Variants in SPATA22 observed in about 807,000 individuals in gnomAD.
The protein encoded by SPATA22 is spermatogenesis associated 22.
Under a neutral mutation model 47.8 loss-of-function variants are expected in SPATA22, and 29 were observed. That is an observed-to-expected ratio of 0.61 (90% CI 0.45 to 0.83). The LOEUF (loss-of-function observed/expected upper bound fraction) is 0.83, where lower values mean the gene tolerates loss of function less well. Among genes scored for constraint, SPATA22 ranks in the 40% least tolerant of loss-of-function variants. SPATA22 has a pLI of 0.00. For missense variants in SPATA22, 410 were observed against 421.7 expected, an observed-to-expected ratio of 0.97 and a Z score of 0.24; for synonymous variants, 133 against 140.9, an observed-to-expected ratio of 0.94 and a Z score of 0.40.
intron 1 of SPATA22, among the ~76,000 whole-genome samples, chr17:3,471,184 GGGAAGGGAAGGAAGGAA>G (rs2073425781): frequency 6.6e-6 from 1 of 151,818 alleles, no homozygotes; most frequent in South Asian, 2.1e-4. Flanking sequence ...AAGGGAGGGA[GGGAAGGGAAGGAAGGAA>G]GGAAGGGAAA....
chr17:3,480,170 G>A (rs1350013759), intron 1 of SPATA22, among the ~76,000 whole-genome samples: 2 of 152,196 alleles, frequency 1.3e-5, no homozygotes, highest in East Asian at 3.9e-4. Context: ...CAAGGCAGGA[G>A]GATTGCCTGA....
rs932604454 is a variant in SPATA22 at position 3,490,993 on chromosome 17, C to G, written c.-73-21595G>C. ...CCAGCTTGGTGGATTTTCAACTGAGCACTCCTATCCACAGAATGCTGACAA... is the reference window on the plus strand; with the variant it reads ...CCAGCTTGGTGGATTTTCAACTGAGGACTCCTATCCACAGAATGCTGACAA... On this transcript the variant is annotated intron_variant, in intron 1 of 8. Transcript: ENST00000541913. The surrounding 1 kb of genome is among the most constrained non-coding windows in gnomAD (Gnocchi z 4.6). 6.6e-6 allele frequency among the ~76,000 whole-genome samples: 1 copy of G among 152,172 alleles called. No homozygotes were observed. Among genetic ancestry groups the G allele is most frequent in the African/African-American group, 2.4e-5 (1 of 41,442 alleles).
At chr17:3,463,985 A>C (rs1203337504) in intron 3 of SPATA22, among the ~76,000 whole-genome samples, 4 of 48,618 alleles carry the variant, frequency 8.2e-5, no homozygotes, top group Admixed American at 2.7e-4. Flanking sequence ...CCCTCTCCCC[A>C]CGGTCTCCCT....
At chr17:3,487,520 G>C (rs543009166) in intron 1 of SPATA22, among the ~76,000 whole-genome samples, 1 of 152,192 alleles carries the variant, frequency 6.6e-6, no homozygotes, top group African/African-American at 2.4e-5. Context: ...ATTGATATTT[G>C]AGAGTTTGGA....
At chr17:3,460,355 C>G (rs565832202) in intron 5 of SPATA22, among the ~76,000 whole-genome samples, 1 of 152,034 alleles carries the variant, frequency 6.6e-6, no homozygotes, top group South Asian at 2.1e-4. Context: ...TTCTTTTTAC[C>G]TTTTTTCTAG....
chr17:3,467,350 T>C, intron 3 of SPATA22, 76 bp downstream of exon 3: 1 of 1,182,000 alleles, frequency 8.5e-7, no homozygotes, highest in Non-Finnish European at 1.2e-6. Flanking sequence ...TCTATTTTCA[T>C]TATAATATAA....
intron 5 of SPATA22, among the ~76,000 whole-genome samples, chr17:3,453,665 C>T (rs893679500): frequency 4.6e-5 from 7 of 151,982 alleles, no homozygotes; most frequent in Non-Finnish European, 1.0e-4. Flanking sequence ...ATCCAAAACT[C>T]GAAATGCTCC....
rs1224621620 is a variant in SPATA22 at position 3,492,113 on chromosome 17, G to A, written c.-74+21299C>T. 2.0e-5 allele frequency among the ~76,000 whole-genome samples: 3 copies of A among 152,286 alleles called. No homozygotes were observed. The East Asian group carries it at 5.8e-4, about 30-fold the overall frequency. ...GCTGGTCTTGAACTCCTGAGCTCAA[G>A]CAATCTGCCTGCCTCGGCTTCCCAA... On this transcript the variant is annotated intron_variant, in intron 1 of 8. Transcript: ENST00000541913.
intron 1 of SPATA22, among the ~76,000 whole-genome samples, chr17:3,487,073 C>CATGTGTGTGT (rs141155264): frequency 6.6e-6 from 1 of 150,770 alleles, no homozygotes; most frequent in Non-Finnish European, 1.5e-5. Flanking sequence ...TGTGTGTGTG[C>CATGTGTGTGT]GTGTGTGTGT....
At chr17:3,462,609 A>C (rs1467672414) in intron 4 of SPATA22, 31 bp from the exon 5 acceptor site, 1 of 1,596,706 alleles carries the variant, frequency 6.3e-7, no homozygotes, top group African/African-American at 1.3e-5. Flanking sequence ...GTTAAATATT[A>C]ATAGTTTGCT....
At chr17:3,472,546 T>C (rs1384834963), upstream of SPATA22, 1 of 152,180 alleles carries the variant, frequency 6.6e-6, no homozygotes, top group African/African-American at 2.4e-5. Flanking sequence ...GAAGATGAAA[T>C]AGACAATCCT....
Position 3,467,420 on chromosome 17 carries a change from T to C in SPATA22, c.172+6A>G, listed in dbSNP as rs771615355. 1 of 1,576,812 alleles carries C rather than the reference T, an allele frequency of 6.3e-7. No homozygotes were observed. The highest frequency in any genetic ancestry group is 2.3e-5 in the East Asian group (1 of 43,428). ...CTGAAAATTTTTACCTTATTAATTT[T>C]CTTACCTGTAGGTAGAGGAGGAAAA... On this transcript the variant is annotated splice_donor_region_variant and intron_variant, in intron 3 of 8. Coordinates refer to ENST00000572969, the MANE Select transcript of SPATA22 (RefSeq NM_001170698.2).
chr17:3,467,755 T>C (rs1391141885), intron 2 of SPATA22, among the ~76,000 whole-genome samples: 1 of 152,214 alleles, frequency 6.6e-6, no homozygotes, highest in Admixed American at 6.5e-5. Flanking sequence ...AAAAAACTTT[T>C]CTTATTCTAC....
At chr17:3,497,151 A>AGTTC (rs199750298) in intron 1 of SPATA22, among the ~76,000 whole-genome samples, 3,596 of 152,250 alleles carry the variant, frequency 0.024, 54 homozygotes, top group Non-Finnish European at 0.036. Flanking sequence ...GAATCAATTG[A>AGTTC]GTTCACCAGG....
At chr17:3,489,354 T>G in intron 1 of SPATA22, 1 of 1,572,078 alleles carries the variant, frequency 6.4e-7, no homozygotes, top group Non-Finnish European at 8.8e-7. Context: ...TAAGTAATAA[T>G]GAAGGTAACG....
chr17:3,467,372 C>A (rs1275041525), intron 3 of SPATA22, 54 bp downstream of exon 3: 4 of 1,370,316 alleles, frequency 2.9e-6, no homozygotes, highest in Admixed American at 2.3e-5. Context: ...TTACAATTTT[C>A]TATAATCCTA....
chr17:3,469,506 G>A (rs9895581), intron 1 of SPATA22, 108 bp from the exon 2 acceptor site: 17,600 of 546,064 alleles, frequency 0.032, 589 homozygotes, highest in East Asian at 0.1. Context: ...ACCTGATCAC[G>A]TAAACACTTT....
At chr17:3,462,332 A>C (rs760697749) in intron 5 of SPATA22, 151 bp downstream of exon 5, 7 of 531,982 alleles carry the variant, frequency 1.3e-5, no homozygotes, top group Non-Finnish European at 2.3e-5. Flanking sequence ...TTCATAAAAC[A>C]TAATTAATAC....
chr17:3,440,148 T>A lies in SPATA22; in HGVS notation c.1091A>T (p.Ter364LeuextTer9). 1 of 1,538,890 alleles carries A rather than the reference T, an allele frequency of 6.5e-7. No homozygotes were observed. The highest frequency in any genetic ancestry group is 8.8e-7 in the Non-Finnish European group (1 of 1,140,666). The change falls in exon 9 of 9, where the codon TAA becomes TTA. Residue 364 changes from the stop codon to leucine, a stop_lost. Transcript: ENST00000572969. ...QYYINVMNET[*>L] is the part of the protein sequence containing the mutation. ...TGCTAAACTTCCTTTTATCACTACT[T>A]AAGTTTCATTCATCACATTAATATA...
Sources: gnomAD v4.1 joint callset for allele counts (sites outside exome capture counted in the v4.1 genomes callset) on GRCh38, gnomAD v4.1.1 for gene constraint, Gnocchi (gnomAD v3.1) non-coding constraint, MANE v1.5 for transcripts, NCBI Gene and HGNC (gene_info 2026-07-23, HGNC 2026-07-21) for gene names.